The following SUPT3H variants were observed in gnomAD, a reference collection of about 807,000 sequenced individuals.
The protein encoded by SUPT3H is transcription initiation protein SPT3 homolog.
Under a neutral mutation model 44.3 loss-of-function variants are expected in SUPT3H, and 44 were observed. That is an observed-to-expected ratio of 0.99 (90% CI 0.78 to 1.28). The LOEUF is 1.28. Among genes scored for constraint, SUPT3H ranks in the 50% most tolerant of loss-of-function variants. The pLI, the probability that SUPT3H is intolerant of heterozygous loss-of-function variation, is 0.00. For synonymous variants in SUPT3H, 124 were observed against 125.6 expected, an observed-to-expected ratio of 0.99 and a Z score of 0.09; for missense variants, 380 against 387.1, an observed-to-expected ratio of 0.98 and a Z score of 0.15.
chr6:45,274,383 G>A (rs1236168028), intron 2 of SUPT3H, among the ~76,000 whole-genome samples: 2 of 152,084 alleles, frequency 1.3e-5, no homozygotes, highest in South Asian at 2.1e-4. Context: ...ATCTAAGAGT[G>A]TTTTGCCAAA....
At chr6:44,900,480 C>A (rs1034609058) in intron 10 of SUPT3H, among the ~76,000 whole-genome samples, 1 of 152,210 alleles carries the variant, frequency 6.6e-6, no homozygotes, top group Non-Finnish European at 1.5e-5. Flanking sequence ...GGGGGAGGGG[C>A]GCCTGCCATT....
chr6:44,977,424 AACTT>A (rs1778484872), intron 6 of SUPT3H, among the ~76,000 whole-genome samples: 1 of 152,172 alleles, frequency 6.6e-6, no homozygotes, highest in Non-Finnish European at 1.5e-5. Flanking sequence ...AAGAAACTGA[AACTT>A]ACTGATTCTC....
At chr6:44,904,425 T>A (rs1322277358) in intron 10 of SUPT3H, among the ~76,000 whole-genome samples, 2 of 151,982 alleles carry the variant, frequency 1.3e-5, no homozygotes, top group Non-Finnish European at 2.9e-5. Flanking sequence ...CACAATTGCT[T>A]CAAAGAGAAT....
intron 3 of SUPT3H, among the ~76,000 whole-genome samples, chr6:45,089,077 G>C (rs1796826463): frequency 6.6e-6 from 1 of 152,086 alleles, no homozygotes; most frequent in African/African-American, 2.4e-5. Context: ...ATAGTAGCAA[G>C]TATACACAAT....
At chr6:44,952,760 T>C (rs1172801925) in intron 9 of SUPT3H, among the ~76,000 whole-genome samples, 3 of 152,156 alleles carry the variant, frequency 2.0e-5, no homozygotes, top group East Asian at 1.9e-4. Flanking sequence ...AGCCTTAAAA[T>C]TGGAAAGAAA....
chr6:45,178,885 A>G (rs1812551523), intron 2 of SUPT3H, among the ~76,000 whole-genome samples: 1 of 151,918 alleles, frequency 6.6e-6, no homozygotes, highest in African/African-American at 2.4e-5. Flanking sequence ...AAGACACAAC[A>G]TACCAGAATC....
At chr6:45,371,945 T>C in intron 1 of SUPT3H, 2 of 784,702 alleles carry the variant, frequency 2.5e-6, no homozygotes, top group Non-Finnish European at 3.1e-6. Context: ...CACTACTATT[T>C]AGTGATACAA....
intron 2 of SUPT3H, among the ~76,000 whole-genome samples, chr6:45,259,966 C>T (rs1177766370): frequency 4.6e-5 from 7 of 152,140 alleles, no homozygotes; most frequent in Admixed American, 2.6e-4. Flanking sequence ...AAATAAAGAA[C>T]TTAATCTCCT....
At chr6:45,051,314 T>C (rs1024079850) in intron 3 of SUPT3H, among the ~76,000 whole-genome samples, 5 of 152,094 alleles carry the variant, frequency 3.3e-5, no homozygotes, top group African/African-American at 9.6e-5. Flanking sequence ...TAGAAACATA[T>C]GAAAGGCCTG....
At chr6:45,175,148 ATTTG>A (rs913689854) in intron 2 of SUPT3H, among the ~76,000 whole-genome samples, 8 of 151,688 alleles carry the variant, frequency 5.3e-5, no homozygotes, top group African/African-American at 1.5e-4. Context: ...AATAAAAATT[ATTTG>A]TTTGTATATA....
chr6:44,994,658 A>C (rs1279801904), intron 6 of SUPT3H, among the ~76,000 whole-genome samples: 1 of 152,072 alleles, frequency 6.6e-6, no homozygotes, highest in Non-Finnish European at 1.5e-5. Context: ...TTAAGAGTAA[A>C]TCTTGGGACA....
At chr6:45,197,758 G>C (rs1816317264) in intron 2 of SUPT3H, 1 of 178,716 alleles carries the variant, frequency 5.6e-6, no homozygotes, top group African/African-American at 2.4e-5. Flanking sequence ...AATGCATAAT[G>C]GTTTTACCCC....
rs142394226 is a variant in SUPT3H at position 45,210,146 on chromosome 6, C to T, written c.102-104140G>A. Among the ~76,000 whole-genome samples, 4 of 151,810 alleles carry T rather than the reference C, an allele frequency of 2.6e-5. No individual in the cohort carries two copies. The East Asian group carries it at 7.7e-4, about 29-fold the overall frequency. On this transcript the variant is annotated intron_variant, in intron 2 of 10. Transcript: ENST00000371459. ...TGGAAAGGAAAATAAATCTCGGGAC[C>T]CCAAAATCACTAAGCCAAAGGGAAA...
At chr6:45,215,971 G>A (rs1474644938) in intron 2 of SUPT3H, among the ~76,000 whole-genome samples, 1 of 152,156 alleles carries the variant, frequency 6.6e-6, no homozygotes, top group Non-Finnish European at 1.5e-5. Context: ...AGACTAACAG[G>A]ATTTCTCAGG....
At chr6:44,903,297 GAAGAA>G (rs1211377499) in intron 10 of SUPT3H, among the ~76,000 whole-genome samples, 1 of 152,064 alleles carries the variant, frequency 6.6e-6, no homozygotes, top group Non-Finnish European at 1.5e-5. Flanking sequence ...GACTAATAAA[GAAGAA>G]AAGAGAGAAG....
intron 9 of SUPT3H, among the ~76,000 whole-genome samples, chr6:44,947,466 T>C (rs1773534590): frequency 6.6e-6 from 1 of 152,180 alleles, no homozygotes; most frequent in Admixed American, 6.5e-5. Flanking sequence ...TGTTCATGGA[T>C]TGTGAGACTT....
chr6:44,830,364 T>C (rs1735770080), intron 10 of SUPT3H, among the ~76,000 whole-genome samples: 1 of 152,188 alleles, frequency 6.6e-6, no homozygotes. Context: ...AGGAGTTCTG[T>C]ATAGTTCTGC....
chr6:45,117,115 A>T (rs566458077), intron 2 of SUPT3H, among the ~76,000 whole-genome samples: 2 of 151,334 alleles, frequency 1.3e-5, no homozygotes. Flanking sequence ...AGTTTTCATT[A>T]AAAAAAAAGT....
At chr6:44,834,012 A>G (rs1181364936) in intron 10 of SUPT3H, among the ~76,000 whole-genome samples, 1 of 152,174 alleles carries the variant, frequency 6.6e-6, no homozygotes, top group African/African-American at 2.4e-5. Context: ...AACTTTAAGA[A>G]TAGTGTATAG....
Sources: gnomAD v4.1 joint callset for allele counts (sites outside exome capture counted in the v4.1 genomes callset) on GRCh38, gnomAD v4.1.1 for gene constraint, MANE v1.5 for transcripts, NCBI Gene and HGNC (gene_info 2026-07-23, HGNC 2026-07-21) for gene names.